BRINP2: variants seen among roughly 807,000 people sequenced by gnomAD.
BRINP2 encodes BMP/retinoic acid inducible neural specific 2.
A neutral mutation model predicts 69.2 loss-of-function variants in BRINP2; 21 were observed. The ratio of observed to expected loss-of-function variants is 0.30; its 90% CI spans 0.22 to 0.44. The LOEUF (loss-of-function observed/expected upper bound fraction) is 0.44. Among genes scored for constraint, BRINP2 ranks in the 20% least tolerant of loss-of-function variants. The probability of loss-of-function intolerance (pLI) is 1.00; values close to 1 mark genes in which losing one functional copy is unlikely to be tolerated. For synonymous variants in BRINP2, 380 were observed against 394.1 expected, an observed-to-expected ratio of 0.96 and a Z score of 0.42; for missense variants, 877 against 986.0, an observed-to-expected ratio of 0.89 and a Z score of 1.48.
chr1:177,232,407 C>A (rs1649886252), intron 2 of BRINP2, among the ~76,000 whole-genome samples: 1 of 152,178 alleles, frequency 6.6e-6, no homozygotes, highest in Non-Finnish European at 1.5e-5. Flanking sequence ...TTCTGTTTCT[C>A]TGGGGTCAGT....
At position 177,238,186 on chromosome 1, in the gene BRINP2, T is replaced by C. The variant is rs1274770334; in HGVS notation, c.269+8041T>C. On this transcript the variant is annotated intron_variant, in intron 2 of 7. Coordinates refer to ENST00000361539, the MANE Select transcript of BRINP2 (RefSeq NM_021165.4). ...CAGGAAGACCCACGTATGCAAAGGA[T>C]TAGAAGTGGGCGAGGCCTGTGGTAT... is the stretch of plus-strand genomic sequence containing the variant. Among the ~76,000 whole-genome samples the C allele has an allele frequency of 5.9e-5, 9 of 152,208 alleles. No individual in the cohort carries two copies. In the East Asian group the frequency reaches 1.7e-3, roughly 29 times the overall value.
chr1:177,179,649 TCTCTC>T (rs1284470504), intron 1 of BRINP2, among the ~76,000 whole-genome samples: 1 of 151,204 alleles, frequency 6.6e-6, no homozygotes, highest in African/African-American at 2.4e-5. Context: ...TTATTTCACT[TCTCTC>T]CTGTGAACAA....
At chr1:177,238,094 C>T (rs1331468509) in intron 2 of BRINP2, among the ~76,000 whole-genome samples, 1 of 152,172 alleles carries the variant, frequency 6.6e-6, no homozygotes, top group African/African-American at 2.4e-5. Flanking sequence ...ATGTGTTGGC[C>T]ACTCTACAAG....
intron 1 of BRINP2, among the ~76,000 whole-genome samples, chr1:177,194,014 C>T (rs577260007): frequency 2.9e-4 from 44 of 152,200 alleles, no homozygotes; most frequent in Non-Finnish European, 5.6e-4. Flanking sequence ...TAATCCATGG[C>T]CCTGAACTTT....
In BRINP2 at chr1:177,273,610, T is replaced by C. The variant is rs373772943; in HGVS notation, c.775+17T>C. 219 of 1,496,656 alleles carry C rather than the reference T, an allele frequency of 1.5e-4. No homozygotes were observed. The highest frequency in any genetic ancestry group is 1.9e-4 in the Non-Finnish European group (209 of 1,102,134). The allele number at this position is 1,496,656 out of a possible 1,614,324, so 92.7% of individuals were successfully genotyped here. ...AGTTACTTGGTAAGCAGCACTATGA[T>C]GGTTTTCATACCTTTCACACCTGAT... On this transcript the variant is annotated intron_variant, in intron 5 of 7. Coordinates refer to ENST00000361539, the MANE Select transcript of BRINP2 (RefSeq NM_021165.4).
At chr1:177,269,396 C>G (rs1167018101) in intron 4 of BRINP2, among the ~76,000 whole-genome samples, 3 of 152,196 alleles carry the variant, frequency 2.0e-5, no homozygotes, top group African/African-American at 7.2e-5. Flanking sequence ...AGGGAAGGAG[C>G]TTGTTTCTAA....
intron 1 of BRINP2, among the ~76,000 whole-genome samples, chr1:177,189,295 T>C (rs371336467): frequency 6.6e-6 from 1 of 152,198 alleles, no homozygotes; most frequent in African/African-American, 2.4e-5. Flanking sequence ...TTTTCTGCCA[T>C]TGAGTCACTT....
intron 1 of BRINP2, among the ~76,000 whole-genome samples, chr1:177,186,359 T>C (rs530069210): frequency 6.6e-6 from 1 of 152,270 alleles, no homozygotes; most frequent in South Asian, 2.1e-4. Flanking sequence ...AGACTAATGA[T>C]AACTGTTAGG....
chr1:177,185,048 A>G (rs905229201), intron 1 of BRINP2, among the ~76,000 whole-genome samples: 4 of 152,196 alleles, frequency 2.6e-5, no homozygotes, highest in Admixed American at 6.5e-5. Context: ...GCATTTTGAG[A>G]AATACCATTT....
chr1:177,246,541 T>A (rs1650389643), intron 2 of BRINP2, among the ~76,000 whole-genome samples: 1 of 152,236 alleles, frequency 6.6e-6, no homozygotes, highest in Admixed American at 6.5e-5. Context: ...GTTCGGAGAA[T>A]AATAGCCTAG....
intron 1 of BRINP2, among the ~76,000 whole-genome samples, chr1:177,197,834 G>T (rs950723113): frequency 6.6e-6 from 1 of 152,210 alleles, no homozygotes. Context: ...AGGTGATCGG[G>T]TATGAGGATG....
intron 1 of BRINP2, among the ~76,000 whole-genome samples, chr1:177,219,254 G>C (rs1054294264): frequency 6.6e-6 from 1 of 152,132 alleles, no homozygotes; most frequent in Non-Finnish European, 1.5e-5. Context: ...CAATGCAGCA[G>C]CTTTATTGAT....
rs532379310 is a variant in BRINP2, at chr1:177,185,332, T to G, written c.-77+13600T>G. ...CCAATATATCTTGACCTTGAAACTT[T>G]TTTTGATCTTATTACCAAACACCTA... On this transcript the variant is annotated intron_variant, in intron 1 of 7. Transcript: ENST00000361539. 6.6e-5 allele frequency among the ~76,000 whole-genome samples: 10 copies of G among 152,332 alleles called. No homozygotes were observed. The East Asian group carries it at 1.7e-3, about 26-fold the overall frequency.
intron 1 of BRINP2, among the ~76,000 whole-genome samples, chr1:177,181,692 G>T (rs1361696837): frequency 6.6e-6 from 1 of 152,236 alleles, no homozygotes; most frequent in African/African-American, 2.4e-5. Flanking sequence ...CGTTAGGCAG[G>T]AGCAGGGGCA....
chr1:177,245,129 C>T (rs1440391527), intron 2 of BRINP2, among the ~76,000 whole-genome samples: 1 of 152,008 alleles, frequency 6.6e-6, no homozygotes, highest in African/African-American at 2.4e-5. Context: ...AACAGAGGGT[C>T]TCACTAATAA....
intron 1 of BRINP2, among the ~76,000 whole-genome samples, chr1:177,198,155 G>A (rs896066742): frequency 1.3e-5 from 2 of 152,126 alleles, no homozygotes; most frequent in East Asian, 3.9e-4. Flanking sequence ...AATATAAGAT[G>A]CATTGGGATT....
At chr1:177,254,193 A>C (rs923433539) in intron 2 of BRINP2, among the ~76,000 whole-genome samples, 25 of 152,216 alleles carry the variant, frequency 1.6e-4, no homozygotes, top group African/African-American at 5.5e-4. Context: ...ATCTTCTAGA[A>C]TAAGGCTTCT....
intron 2 of BRINP2, among the ~76,000 whole-genome samples, chr1:177,249,645 A>G (rs1650517896): frequency 6.6e-6 from 1 of 152,228 alleles, no homozygotes; most frequent in Non-Finnish European, 1.5e-5. Context: ...GTGTGTTAAT[A>G]TAATTGATAT....
intron 1 of BRINP2, among the ~76,000 whole-genome samples, chr1:177,179,002 A>G (rs1160919764): frequency 6.6e-6 from 1 of 152,222 alleles, no homozygotes; most frequent in African/African-American, 2.4e-5. Flanking sequence ...TAAGGTAAGT[A>G]GGTTTGTTAT....
Sources: gnomAD v4.1 joint callset for allele counts (sites outside exome capture counted in the v4.1 genomes callset) on GRCh38, gnomAD v4.1.1 for gene constraint, MANE v1.5 for transcripts, NCBI Gene and HGNC (gene_info 2026-07-23, HGNC 2026-07-21) for gene names.